Variants in GOLGA4 observed in about 807,000 individuals in gnomAD.
GOLGA4 encodes the protein golgin A4, also known as golgin subfamily A member 4.
A neutral mutation model predicts 265.9 loss-of-function variants in GOLGA4; 169 were observed. The observed-to-expected ratio is 0.64, with a 90% CI of 0.56 to 0.72. The LOEUF is 0.72. GOLGA4 is among the 30% of genes least tolerant of loss of function. GOLGA4 has a pLI of 0.00. For synonymous variants in GOLGA4, 923 were observed against 855.8 expected (o/e 1.08, Z -1.37); for missense variants, 2,482 against 2,483.4 (o/e 1.00, Z 0.01).
intron 11 of GOLGA4, 46 bp downstream of exon 11, chr3:37,315,644 T>A: frequency 1.4e-6 from 2 of 1,471,788 alleles, no homozygotes; most frequent in South Asian, 1.2e-5. Context: ...AATTTGAAAT[T>A]TAAGTGTATT....
chr3:37,322,168 C>T (rs2096956809), intron 13 of GOLGA4, among the ~76,000 whole-genome samples: 1 of 152,086 alleles, frequency 6.6e-6, no homozygotes. Context: ...TGCATACTCA[C>T]CCTTGATGTC....
chr3:37,299,155 C>G, intron 8 of GOLGA4, 133 bp from the exon 9 acceptor site: 2 of 917,872 alleles, frequency 2.2e-6, no homozygotes, highest in Non-Finnish European at 3.3e-6. Context: ...TACATAACAC[C>G]AAACCTTGAG....
At chr3:37,341,849 CAT>C (rs1489969568) in intron 20 of GOLGA4, 9 of 152,216 alleles carry the variant, frequency 5.9e-5, no homozygotes, top group African/African-American at 1.4e-4. Flanking sequence ...TTTATGAACA[CAT>C]ATATACAATT....
intron 10 of GOLGA4, among the ~76,000 whole-genome samples, chr3:37,310,232 G>T (rs918618634): frequency 6.6e-6 from 1 of 152,168 alleles, no homozygotes; most frequent in African/African-American, 2.4e-5. Flanking sequence ...CTCTGGGGCA[G>T]TGTAACAAAA....
intron 10 of GOLGA4, among the ~76,000 whole-genome samples, chr3:37,309,444 A>T (rs1457005885): frequency 6.6e-6 from 1 of 151,804 alleles, no homozygotes; most frequent in African/African-American, 2.4e-5. Flanking sequence ...AATCCCAGCT[A>T]TTCTGGAGGC....
chr3:37,258,031 ATG>A (rs1391583920), intron 2 of GOLGA4, among the ~76,000 whole-genome samples: 3 of 80,714 alleles, frequency 3.7e-5, no homozygotes, highest in Admixed American at 2.8e-4. Context: ...GTATGTATAT[ATG>A]TATATATACA....
intron 20 of GOLGA4, among the ~76,000 whole-genome samples, chr3:37,343,052 C>A (rs898240454): frequency 6.6e-6 from 1 of 152,100 alleles, no homozygotes; most frequent in Non-Finnish European, 1.5e-5. Flanking sequence ...GGGTTCCACA[C>A]CCAGCTAATT....
At chr3:37,276,403 G>A (rs2096818873) in intron 2 of GOLGA4, 5 of 1,608,328 alleles carry the variant, frequency 3.1e-6, no homozygotes, top group Non-Finnish European at 4.3e-6. Flanking sequence ...AAGAGATGTG[G>A]AAAAACTTGA....
Position 37,295,034 on chromosome 3 carries a change from C to A in GOLGA4, c.638C>A (p.Ser213Tyr). The A allele has an allele frequency of 3.1e-6, 5 of 1,609,052 alleles. No homozygotes were observed. Among genetic ancestry groups the A allele is most frequent in the Non-Finnish European group, 4.3e-6 (5 of 1,176,280 alleles). Residue 213 changes from serine (S) to tyrosine (Y), a missense_variant, in exon 6 of 24, where the codon TCT becomes TAT. Physicochemically the swap from Ser to Tyr is moderately radical, Grantham distance 144 (BLOSUM62 -2). Coordinates refer to ENST00000361924, the MANE Select transcript of GOLGA4 (RefSeq NM_002078.5). ...KKHLQEEFDA[S>Y]LEEKDQYISV... ...CATCTGCAAGAGGAGTTTGATGCAT[C>A]TTTAGAGGAGAAAGATCAGTATATC...
intron 2 of GOLGA4, among the ~76,000 whole-genome samples, chr3:37,277,572 C>G (rs1051324976): frequency 1.3e-5 from 2 of 152,136 alleles, no homozygotes; most frequent in African/African-American, 4.8e-5. Context: ...CATGTGGAGA[C>G]TGATAGAAAA....
rs2096964277 is a variant in GOLGA4, at chr3:37,324,514, A to C, written c.2628A>C (p.Glu876Asp). 3.7e-6 allele frequency: 6 copies of C among 1,613,930 alleles called. No individual in the cohort carries two copies. Among genetic ancestry groups the C allele is most frequent in the Non-Finnish European group, 5.1e-6 (6 of 1,179,904 alleles). Reference sequence around the variant, plus strand: ...AGCAACTTGAAAAACAAAATAGTGAAATGGAGCAAAAAGTAAAATCTTTAA... The same window carrying C: ...AGCAACTTGAAAAACAAAATAGTGACATGGAGCAAAAAGTAAAATCTTTAA... Reference protein sequence around the residue: ...LMQQLEKQNSEMEQKVKSLTQ... With the variant: ...LMQQLEKQNSDMEQKVKSLTQ... Residue 876 changes from glutamate (E) to aspartate (D), a missense_variant, in exon 14 of 24, where the codon GAA becomes GAC. Physicochemically the swap from Glu to Asp is conservative, Grantham distance 45. Transcript: ENST00000361924.
intron 12 of GOLGA4, chr3:37,319,928 T>C (rs1275843720): frequency 1.3e-5 from 2 of 151,858 alleles, no homozygotes; most frequent in African/African-American, 2.4e-5. Context: ...AAGAAGAGAG[T>C]GCATAATTCA....
Position 37,243,386 on chromosome 3 carries a change from C to T in GOLGA4, c.-165C>T, listed in dbSNP as rs1227102827. ...GCGGCGGCGGCGACGCCGACACCCT[C>T]AGGACGAGTGTCCGGACTTGCCCAC... On this transcript the variant is annotated 5_prime_UTR_variant, in exon 1 of 24. Transcript: ENST00000361924. 9.4e-6 allele frequency: 6 copies of T among 641,634 alleles called. No homozygotes were observed. Among genetic ancestry groups the T allele is most frequent in the Non-Finnish European group, 1.7e-5 (6 of 355,516 alleles). The allele number at this position is 641,634 out of a possible 1,614,324, so 39.7% of individuals were successfully genotyped here.
intron 21 of GOLGA4, among the ~76,000 whole-genome samples, chr3:37,348,785 G>C (rs2097064269): frequency 6.6e-6 from 1 of 152,148 alleles, no homozygotes; most frequent in Non-Finnish European, 1.5e-5. Flanking sequence ...GCCTTAACCT[G>C]TTTCTTCTGA....
chr3:37,293,928 A>G (rs922044765), intron 5 of GOLGA4, among the ~76,000 whole-genome samples: 45 of 152,212 alleles, frequency 3.0e-4, no homozygotes, highest in African/African-American at 1.1e-3. Flanking sequence ...TGAACTCTGT[A>G]GACAGTTGTA....
rs1238986876 is a variant in GOLGA4, at chr3:37,323,973, T to G, written c.2087T>G (p.Val696Gly). The G allele has an allele frequency of 8.1e-6, 13 of 1,613,526 alleles. No individual in the cohort carries two copies. The Admixed American group carries it at 8.3e-5, about 10-fold the overall frequency. Reference protein sequence around the residue: ...LESLSSELSEVLKARHKLEEE... With the variant: ...LESLSSELSEGLKARHKLEEE... Reference sequence around the variant, plus strand: ...TCATTATCTTCTGAACTGTCAGAAGTATTAAAAGCCCGTCACAAACTAGAA... The same window carrying G: ...TCATTATCTTCTGAACTGTCAGAAGGATTAAAAGCCCGTCACAAACTAGAA... Residue 696 changes from valine (V) to glycine (G), a missense_variant, in exon 14 of 24, where the codon GTA becomes GGA. Physicochemically the swap from Val to Gly is moderately radical, Grantham distance 109. Coordinates refer to ENST00000361924, the MANE Select transcript of GOLGA4 (RefSeq NM_002078.5).
At chr3:37,308,447 G>A (rs888145244) in intron 10 of GOLGA4, among the ~76,000 whole-genome samples, 11 of 151,632 alleles carry the variant, frequency 7.3e-5, no homozygotes, top group Admixed American at 6.6e-4. Context: ...TTATGCCACC[G>A]GGTGGTAGTA....
chr3:37,249,694 T>C (rs978959529), intron 1 of GOLGA4: 1 of 152,236 alleles, frequency 6.6e-6, no homozygotes, highest in African/African-American at 2.4e-5. Context: ...GGTTCATCTT[T>C]TAGAAGGTGT....
chr3:37,259,720 G>T (rs557872246), intron 2 of GOLGA4, among the ~76,000 whole-genome samples: 1 of 152,240 alleles, frequency 6.6e-6, no homozygotes, highest in South Asian at 2.1e-4. Context: ...AGGAGTTCAT[G>T]GACTTCGCAA....
Sources: allele counts gnomAD v4.1 joint callset (sites outside exome capture counted in the v4.1 genomes callset), GRCh38; gene constraint gnomAD v4.1.1; transcripts MANE v1.5; gene names NCBI Gene and HGNC (gene_info 2026-07-23, HGNC 2026-07-21).